CHST6: variants seen among roughly 807,000 people sequenced by gnomAD.
The protein encoded by CHST6 is carbohydrate sulfotransferase 6.
For missense variants in CHST6, 698 were observed against 586.2 expected, an observed-to-expected ratio of 1.19 and a Z score of -1.97; for synonymous variants, 309 against 276.4, an observed-to-expected ratio of 1.12 and a Z score of -1.17.
intron 1 of CHST6, among the ~76,000 whole-genome samples, chr16:75,487,922 G>A (rs2080218838): frequency 6.6e-6 from 1 of 151,988 alleles, no homozygotes; most frequent in Non-Finnish European, 1.5e-5. Flanking sequence ...CTGGAACCCA[G>A]GAGGCAGAGG....
chr16:75,492,708 G>A (rs780370196), intron 1 of CHST6, among the ~76,000 whole-genome samples: 8 of 152,102 alleles, frequency 5.3e-5, no homozygotes, highest in Non-Finnish European at 1.0e-4. Context: ...AAAGTAGCCA[G>A]GTGTGGTGGC....
chr16:75,493,567 C>T (rs992132336), intron 1 of CHST6, among the ~76,000 whole-genome samples: 1 of 151,502 alleles, frequency 6.6e-6, no homozygotes, highest in Non-Finnish European at 1.5e-5. Flanking sequence ...TAACCCAACT[C>T]ATGGGCTTGA....
chr16:75,483,088 C>T lies in CHST6; in HGVS notation c.-91-1197G>A, dbSNP rs566458118. Among the ~76,000 whole-genome samples, 24 of 152,356 alleles carry T rather than the reference C, an allele frequency of 1.6e-4. No individual in the cohort carries two copies. The South Asian group carries it at 3.9e-3, about 25-fold the overall frequency. On this transcript the variant is annotated intron_variant, in intron 1 of 2. Coordinates refer to ENST00000332272, the MANE Select transcript of CHST6 (RefSeq NM_021615.5). ...AAGTCCACGCGATGACTTAACTCAA[C>T]GGGCCCTGAGGTGGGCACGATGATG...
chr16:75,491,165 T>TAAAAAAAAAA (rs1168619782), intron 1 of CHST6, among the ~76,000 whole-genome samples: 1 of 26,368 alleles, frequency 3.8e-5, no homozygotes, highest in African/African-American at 1.2e-4. Flanking sequence ...AACTCCGTCT[T>TAAAAAAAAAA]AAAAAAAAAA....
At chr16:75,494,436 G>A (rs2080288449) in intron 1 of CHST6, among the ~76,000 whole-genome samples, 1 of 152,068 alleles carries the variant, frequency 6.6e-6, no homozygotes, top group African/African-American at 2.4e-5. Flanking sequence ...TCAAAAATGG[G>A]AAACTTGACT....
Position 75,481,890 on chromosome 16 carries a change from A to G in CHST6, c.-90T>C. 2.1e-6 allele frequency: 1 copy of G among 485,496 alleles called. No homozygotes were observed. The highest frequency in any genetic ancestry group is 4.1e-6 in the Non-Finnish European group (1 of 243,098). The allele number at this position is 485,496 out of a possible 1,614,324, so 30.1% of individuals were successfully genotyped here. ...GGGAGATGATTAGAGGTTCCTCAGC[A>G]CCTGGTAAAGCAGGAGGGCGATGGA... On this transcript the variant is annotated splice_region_variant and 5_prime_UTR_variant, in exon 2 of 3. Coordinates refer to ENST00000332272, the MANE Select transcript of CHST6 (RefSeq NM_021615.5).
intron 1 of CHST6, among the ~76,000 whole-genome samples, chr16:75,489,763 T>C (rs1375393877): frequency 7.4e-6 from 1 of 135,396 alleles, no homozygotes; most frequent in Non-Finnish European, 1.5e-5. Flanking sequence ...TCCTATTTAG[T>C]TTTTTAAGAA....
rs1239194431 is a variant in CHST6, at chr16:75,477,025, T to C, written c.*1616A>G. On this transcript the variant is annotated 3_prime_UTR_variant, in exon 3 of 3. Coordinates refer to ENST00000332272, the MANE Select transcript of CHST6 (RefSeq NM_021615.5). ...TCCCACAGTGCTGGGATTACAGGCA[T>C]GAGCCACTGCATCCAGCCAAGTTAC... is the stretch of plus-strand genomic sequence containing the variant. 14 of 152,300 alleles carry C rather than the reference T, an allele frequency of 9.2e-5. No homozygotes were observed. The highest frequency in any genetic ancestry group is 9.2e-4 in the Admixed American group (14 of 15,280). The allele number at this position is 152,300 out of a possible 1,614,324, so 9.4% of individuals were successfully genotyped here.
At chr16:75,482,775 C>T (rs2080156176) in intron 1 of CHST6, among the ~76,000 whole-genome samples, 1 of 152,142 alleles carries the variant, frequency 6.6e-6, no homozygotes, top group Non-Finnish European at 1.5e-5. Context: ...CTGAGAGAAG[C>T]CAGGGTCTAA....
Position 75,478,759 on chromosome 16 carries a change from C to T in CHST6, c.1070G>A (p.Gly357Asp), listed in dbSNP as rs759358246. The T allele has an allele frequency of 6.2e-7, 1 of 1,613,514 alleles. No homozygotes were observed. Among genetic ancestry groups the T allele is most frequent in the South Asian group, 1.1e-5 (1 of 91,090 alleles). ...GTCCTCAGAGTACACAGGCCGGTAG[C>T]CCAGCAGCTGCAGCGCACCAGCGCA... ...ELCAGALQLL[G>D]YRPVYSEDEQ... is the part of the protein sequence containing the mutation. The change falls in exon 3 of 3, where the codon GGC (glycine) becomes GAC (aspartate). Residue 357 changes from glycine (G) to aspartate (D), a missense_variant. Physicochemically the swap from Gly to Asp is moderately conservative, Grantham distance 94 (BLOSUM62 -1). Coordinates refer to ENST00000332272, the MANE Select transcript of CHST6 (RefSeq NM_021615.5).
chr16:75,480,470 T>C (rs925930077), intron 2 of CHST6, among the ~76,000 whole-genome samples: 2 of 152,066 alleles, frequency 1.3e-5, no homozygotes, highest in Non-Finnish European at 1.5e-5. Context: ...TATTGGAAAA[T>C]GGGAACATGT....
intron 1 of CHST6, among the ~76,000 whole-genome samples, chr16:75,489,293 T>G (rs143228191): frequency 3.5e-5 from 5 of 142,728 alleles, no homozygotes; most frequent in African/African-American, 1.3e-4. Flanking sequence ...CAGCTACTCG[T>G]GAAGATGAGG....
At position 75,491,521 on chromosome 16, in the gene CHST6, C is replaced by T. The variant is rs184115412; in HGVS notation, c.-92+3419G>A. ...AGTAGCTGGGACTACAGGTGCCCGA[C>T]GCCACGCCTGGCTAATTTTTTGTAT... On this transcript the variant is annotated intron_variant, in intron 1 of 2. Coordinates refer to ENST00000332272, the MANE Select transcript of CHST6 (RefSeq NM_021615.5). 1.7e-3 allele frequency among the ~76,000 whole-genome samples: 256 copies of T among 152,016 alleles called. 2 individuals are homozygous for T. Among genetic ancestry groups the T allele is most frequent in the African/African-American group, 5.9e-3 (245 of 41,468 alleles).
At position 75,478,557 on chromosome 16, in the gene CHST6, G is replaced by T; in HGVS notation, c.*84C>A. On this transcript the variant is annotated 3_prime_UTR_variant, in exon 3 of 3. Coordinates refer to ENST00000332272, the MANE Select transcript of CHST6 (RefSeq NM_021615.5). ...CCACAAACTCCTTGGTCAATATAGG[G>T]ACCTGCTTCTCCGTGCGCCCCAGCC... 7.2e-7 allele frequency: 1 copy of T among 1,385,020 alleles called. No homozygotes were observed. 85.8% of individuals were successfully genotyped at this position (1,385,020 alleles called of 1,614,324 possible).
intron 1 of CHST6, among the ~76,000 whole-genome samples, chr16:75,487,062 G>A (rs989349933): frequency 2.6e-5 from 4 of 152,170 alleles, no homozygotes; most frequent in African/African-American, 9.7e-5. Context: ...AATGAGTAGA[G>A]GACATGAACA....
At chr16:75,490,788 A>G (rs1248214424) in intron 1 of CHST6, 2 of 152,152 alleles carry the variant, frequency 1.3e-5, no homozygotes, top group Non-Finnish European at 2.9e-5. Flanking sequence ...ACAAGCCCAC[A>G]TGAAAACCTG....
chr16:75,481,974 T>G, intron 1 of CHST6, 83 bp from the exon 2 acceptor site: 1 of 417,770 alleles, frequency 2.4e-6, no homozygotes, highest in Non-Finnish European at 4.8e-6. Flanking sequence ...GAGGCTCGAT[T>G]TCCACTTCTG....
At chr16:75,481,921 A>T (rs775808193) in intron 1 of CHST6, 30 bp from the exon 2 acceptor site, 2 of 462,502 alleles carry the variant, frequency 4.3e-6, no homozygotes, top group Non-Finnish European at 8.8e-6. Flanking sequence ...ATGGAGTCAC[A>T]CTCTACAGGG....
At chr16:75,483,693 T>C (rs976010191) in intron 1 of CHST6, among the ~76,000 whole-genome samples, 2 of 152,022 alleles carry the variant, frequency 1.3e-5, no homozygotes, top group Non-Finnish European at 2.9e-5. Context: ...CTCAGAGACA[T>C]GAATATCCAG....
Sources: gnomAD v4.1 joint callset for allele counts (sites outside exome capture counted in the v4.1 genomes callset) on GRCh38, gnomAD v4.1.1 for gene constraint, MANE v1.5 for transcripts, NCBI Gene and HGNC (gene_info 2026-07-23, HGNC 2026-07-21) for gene names.